DLC1: variants seen among roughly 807,000 people sequenced by gnomAD.
DLC1 encodes the protein DLC1 Rho GTPase activating protein.
In DLC1, 54 loss-of-function variants were observed where a neutral mutation model predicts 140.3. The observed-to-expected ratio is 0.38, with a 90% CI of 0.31 to 0.48. The LOEUF (loss-of-function observed/expected upper bound fraction) is 0.48, where lower values mean the gene tolerates loss of function less well. Among genes scored for constraint, DLC1 ranks in the 20% least tolerant of loss-of-function variants. DLC1 has a pLI of 0.96. For synonymous variants in DLC1, 986 were observed against 728.1 expected (o/e 1.35, Z -5.70); for missense variants, 2,536 against 1,907.0 (o/e 1.33, Z -6.14).
At chr8:13,566,793 C>A in intron 1 of DLC1, 1 of 680,848 alleles carries the variant, frequency 1.5e-6, no homozygotes, top group Non-Finnish European at 2.3e-6. Flanking sequence ...GAGGAAAAGG[C>A]GGGACGCCGC....
intron 5 of DLC1, among the ~76,000 whole-genome samples, chr8:13,214,938 C>G (rs777868345): frequency 1.4e-4 from 22 of 152,148 alleles, no homozygotes; most frequent in Non-Finnish European, 3.1e-4. Context: ...CCACAAAATG[C>G]ACACAGTGCC....
chr8:13,183,446 G>A (rs1826157598), intron 5 of DLC1, among the ~76,000 whole-genome samples: 1 of 152,168 alleles, frequency 6.6e-6, no homozygotes, highest in African/African-American at 2.4e-5. Flanking sequence ...GATATTGGCT[G>A]TGGGTTTGTC....
intron 2 of DLC1, among the ~76,000 whole-genome samples, chr8:13,406,303 C>T (rs945018426): frequency 1.3e-5 from 2 of 149,572 alleles, no homozygotes; most frequent in African/African-American, 4.9e-5. Context: ...CAAGTGTGAG[C>T]CACTGCGCCT....
At chr8:13,199,177 C>CTTTTTT (rs71207132) in intron 5 of DLC1, among the ~76,000 whole-genome samples, 1,032 of 93,090 alleles carry the variant, frequency 0.011, 1 homozygote, top group Non-Finnish European at 0.016. Flanking sequence ...TTCTCTTTTT[C>CTTTTTT]TTTTTTTTTT....
chr8:13,399,632 A>C (rs1266846146), intron 3 of DLC1, among the ~76,000 whole-genome samples: 1 of 152,170 alleles, frequency 6.6e-6, no homozygotes, highest in African/African-American at 2.4e-5. Flanking sequence ...CCAGGCTTGC[A>C]AAGGAGAAAA....
chr8:13,334,735 A>G (rs1043230317), intron 4 of DLC1, among the ~76,000 whole-genome samples: 1 of 152,202 alleles, frequency 6.6e-6, no homozygotes, highest in African/African-American at 2.4e-5. Flanking sequence ...CTGGTGTATC[A>G]GAAGGTACAG....
chr8:13,289,962 T>C (rs1279775136), intron 5 of DLC1, among the ~76,000 whole-genome samples: 1 of 152,214 alleles, frequency 6.6e-6, no homozygotes, highest in Non-Finnish European at 1.5e-5. Flanking sequence ...ACTTAGGGTA[T>C]CTTTTAGTAT....
intron 4 of DLC1, among the ~76,000 whole-genome samples, chr8:13,360,795 T>A (rs1835187099): frequency 6.6e-6 from 1 of 152,064 alleles, no homozygotes; most frequent in South Asian, 2.1e-4. Context: ...ACTACCCACA[T>A]ACAAACATTG....
At chr8:13,510,153 A>G (rs1802290358) in intron 1 of DLC1, among the ~76,000 whole-genome samples, 1 of 147,842 alleles carries the variant, frequency 6.8e-6, no homozygotes, top group Admixed American at 7.0e-5. Context: ...TGTGAGTGAA[A>G]CACAATTATT....
At chr8:13,496,238 T>G (rs1274666585) in intron 2 of DLC1, among the ~76,000 whole-genome samples, 1 of 152,134 alleles carries the variant, frequency 6.6e-6, no homozygotes, top group Non-Finnish European at 1.5e-5. Context: ...TTGTTAATAG[T>G]GTGAAAAACT....
At chr8:13,582,338 G>T (rs1342299645) in intron 1 of DLC1, among the ~76,000 whole-genome samples, 1 of 152,146 alleles carries the variant, frequency 6.6e-6, no homozygotes, top group African/African-American at 2.4e-5. Flanking sequence ...AACTTGATTG[G>T]ATCAAAGGAT....
At chr8:13,137,330 G>A (rs1822645048) in intron 5 of DLC1, among the ~76,000 whole-genome samples, 1 of 152,128 alleles carries the variant, frequency 6.6e-6, no homozygotes, top group African/African-American at 2.4e-5. Context: ...TAGCTGAGCT[G>A]CATTCAGTGA....
At chr8:13,115,455 C>A in intron 6 of DLC1, 131 bp downstream of exon 6, 2 of 899,096 alleles carry the variant, frequency 2.2e-6, no homozygotes, top group Non-Finnish European at 3.2e-6. Flanking sequence ...GTCTTGCATG[C>A]TTACAACATT....
At position 13,088,534 on chromosome 8, in the gene DLC1, G is replaced by A. The variant is rs1421929139; in HGVS notation, c.4245C>T (p.Val1415=). ...CAGGATGAGGTGCCATACTGTTTTGGACATACTGGTAAATTTCAGTTTGGC... is the reference window on the plus strand; with the variant it reads ...CAGGATGAGGTGCCATACTGTTTTGAACATACTGGTAAATTTCAGTTTGGC... ...LDSQTEIYQY[V]QNSMAPHPAR... Residue 1415 remains valine, a synonymous_variant, in exon 16 of 18, where the codon GTC becomes GTT. Transcript: ENST00000276297. The A allele has an allele frequency of 1.2e-6, 2 of 1,614,166 alleles. No individual in the cohort carries two copies. Among genetic ancestry groups the A allele is most frequent in the Non-Finnish European group, 1.7e-6 (2 of 1,180,044 alleles).
At chr8:13,529,112 A>C (rs929603343) in intron 1 of DLC1, among the ~76,000 whole-genome samples, 1 of 152,206 alleles carries the variant, frequency 6.6e-6, no homozygotes, top group Non-Finnish European at 1.5e-5. Context: ...GAACAGAATA[A>C]GTGAATTAGA....
At chr8:13,197,166 T>A (rs1301725168) in intron 5 of DLC1, among the ~76,000 whole-genome samples, 1 of 152,178 alleles carries the variant, frequency 6.6e-6, no homozygotes, top group Non-Finnish European at 1.5e-5. Flanking sequence ...ATTAATAACA[T>A]GTCATTGAAT....
chr8:13,421,679 T>C (rs1379198298), intron 2 of DLC1, among the ~76,000 whole-genome samples: 1 of 152,116 alleles, frequency 6.6e-6, no homozygotes, highest in Admixed American at 6.5e-5. Context: ...AAAGGGAAAT[T>C]TGAAAAATAG....
At chr8:13,501,868 A>G (rs1398791156) in intron 1 of DLC1, among the ~76,000 whole-genome samples, 1 of 152,208 alleles carries the variant, frequency 6.6e-6, no homozygotes, top group East Asian at 1.9e-4. Context: ...AGTGGAAAGA[A>G]CACATAGATG....
intron 4 of DLC1, among the ~76,000 whole-genome samples, chr8:13,363,371 G>GTTT (rs57084358): frequency 2.1e-5 from 3 of 144,172 alleles, no homozygotes; most frequent in African/African-American, 5.1e-5. Context: ...CATTTGCAGT[G>GTTT]TTTTTTTTTT....
Sources: gnomAD v4.1 joint callset for allele counts (sites outside exome capture counted in the v4.1 genomes callset) on GRCh38, gnomAD v4.1.1 for gene constraint, MANE v1.5 for transcripts, NCBI Gene and HGNC (gene_info 2026-07-23, HGNC 2026-07-21) for gene names.